Variants in DDAH1 observed in about 807,000 individuals in gnomAD.
The protein encoded by DDAH1 is dimethylarginine dimethylaminohydrolase 1.
Under a neutral mutation model 28.8 loss-of-function variants are expected in DDAH1, and 19 were observed. The observed-to-expected ratio is 0.66, with a 90% confidence interval of 0.46 to 0.97. The LOEUF (loss-of-function observed/expected upper bound fraction) is 0.97. Among genes scored for constraint, DDAH1 ranks in the 50% least tolerant of loss-of-function variants. The pLI is 0.00. For synonymous variants in DDAH1, 153 were observed against 154.4 expected, an observed-to-expected ratio of 0.99 and a Z score of 0.07; for missense variants, 326 against 375.9, an observed-to-expected ratio of 0.87 and a Z score of 1.10.
intron 1 of DDAH1, among the ~76,000 whole-genome samples, chr1:85,449,826 T>A (rs956218054): frequency 4.6e-5 from 7 of 151,752 alleles, no homozygotes; most frequent in African/African-American, 1.7e-4. Context: ...GGAGAAGAGG[T>A]GTGTTTGTAC....
At chr1:85,378,257 G>A (rs1309084372) in intron 1 of DDAH1, among the ~76,000 whole-genome samples, 1 of 152,092 alleles carries the variant, frequency 6.6e-6, no homozygotes, top group Non-Finnish European at 1.5e-5. Context: ...ATGCCAAAAC[G>A]AAAATCTTAG....
intron 1 of DDAH1, among the ~76,000 whole-genome samples, chr1:85,383,522 C>G (rs1312015439): frequency 6.6e-6 from 1 of 152,086 alleles, no homozygotes; most frequent in Non-Finnish European, 1.5e-5. Flanking sequence ...TAGAATAGTC[C>G]AAAAACTTGG....
intron 1 of DDAH1, among the ~76,000 whole-genome samples, chr1:85,371,928 T>C (rs1650404536): frequency 6.6e-6 from 1 of 152,182 alleles, no homozygotes; most frequent in Non-Finnish European, 1.5e-5. Context: ...TTTTGACTGT[T>C]CTACATTGCC....
intron 2 of DDAH1, among the ~76,000 whole-genome samples, chr1:85,483,380 T>G (rs1656077686): frequency 6.6e-6 from 1 of 152,136 alleles, no homozygotes; most frequent in Non-Finnish European, 1.5e-5. Context: ...ACTTCTGCCC[T>G]CATCAAGACC....
chr1:85,469,524 G>T (rs1655543943), upstream of DDAH1, among the ~76,000 whole-genome samples: 1 of 152,218 alleles, frequency 6.6e-6, no homozygotes, highest in African/African-American at 2.4e-5. Flanking sequence ...TGCATAGAAA[G>T]TAACTAGAGC....
intron 2 of DDAH1, among the ~76,000 whole-genome samples, chr1:85,485,344 A>C (rs772720675): frequency 1.1e-4 from 16 of 152,182 alleles, no homozygotes; most frequent in Admixed American, 3.9e-4. Context: ...CAATTATAGA[A>C]GCAAACCACA....
At chr1:85,564,010 A>G (rs1242302674) in intron 1 of DDAH1, among the ~76,000 whole-genome samples, 1 of 152,088 alleles carries the variant, frequency 6.6e-6, no homozygotes, top group Non-Finnish European at 1.5e-5. Flanking sequence ...CGTCTCTACT[A>G]AAATACCAAA....
At chr1:85,559,034 G>T (rs981932651) in intron 1 of DDAH1, among the ~76,000 whole-genome samples, 2 of 152,134 alleles carry the variant, frequency 1.3e-5, no homozygotes, top group African/African-American at 2.4e-5. Context: ...GTATAAACTG[G>T]AAAGCAGTTT....
intron 1 of DDAH1, among the ~76,000 whole-genome samples, chr1:85,512,650 A>T (rs1657288364): frequency 6.6e-6 from 1 of 152,246 alleles, no homozygotes; most frequent in African/African-American, 2.4e-5. Flanking sequence ...ACTTCAGCAA[A>T]GTCTCAGGAT....
intron 1 of DDAH1, among the ~76,000 whole-genome samples, chr1:85,447,320 C>T (rs545297168): frequency 2.0e-5 from 3 of 152,230 alleles, no homozygotes; most frequent in Non-Finnish European, 4.4e-5. Context: ...GCCCATGAGG[C>T]TCTCCATTTA....
At chr1:85,350,051 G>A (rs1335697583) in intron 4 of DDAH1, among the ~76,000 whole-genome samples, 1 of 152,204 alleles carries the variant, frequency 6.6e-6, no homozygotes, top group Non-Finnish European at 1.5e-5. Context: ...AACAAACCCT[G>A]TGTACCAACT....
At chr1:85,366,987 C>T (rs940572463) in intron 1 of DDAH1, among the ~76,000 whole-genome samples, 1 of 152,128 alleles carries the variant, frequency 6.6e-6, no homozygotes, top group Non-Finnish European at 1.5e-5. Context: ...TGCTTATTTG[C>T]CAACCTTTGT....
At chr1:85,326,950 A>G (rs559583312) in intron 4 of DDAH1, among the ~76,000 whole-genome samples, 1 of 152,364 alleles carries the variant, frequency 6.6e-6, no homozygotes, top group African/African-American at 2.4e-5. Context: ...TATAAAATGG[A>G]TATGCCCAGA....
chr1:85,550,747 A>AC lies in DDAH1; in HGVS notation c.-123+27236_-123+27237insG, dbSNP rs543085024. Among the ~76,000 whole-genome samples, 1,462 of 151,938 alleles carry AC rather than the reference A, an allele frequency of 9.6e-3. 23 individuals are homozygous for AC. Among genetic ancestry groups the AC allele is most frequent in the African/African-American group, 0.034 (1,415 of 41,286 alleles). On this transcript the variant is annotated intron_variant, in intron 1 of 6. Transcript: ENST00000426972. ...AATAACCCAAGTAAGTAATAATAAA[A>AC]AACACACACACACACACACACCATT...
intron 1 of DDAH1, among the ~76,000 whole-genome samples, chr1:85,552,665 T>G (rs1048915146): frequency 1.3e-5 from 2 of 152,110 alleles, no homozygotes; most frequent in Non-Finnish European, 2.9e-5. Flanking sequence ...GAAGCAGGCC[T>G]CTTAATTAGG....
chr1:85,550,288 T>C (rs2100793993), intron 1 of DDAH1, among the ~76,000 whole-genome samples: 1 of 152,310 alleles, frequency 6.6e-6, no homozygotes, highest in East Asian at 1.9e-4. Context: ...TTATTCAATC[T>C]ATACCAAATC....
At chr1:85,559,588 T>C (rs1464204964) in intron 1 of DDAH1, among the ~76,000 whole-genome samples, 1 of 152,166 alleles carries the variant, frequency 6.6e-6, no homozygotes, top group Non-Finnish European at 1.5e-5. Flanking sequence ...ATTATAGCTA[T>C]GTACTAGTAT....
At chr1:85,409,039 C>T (rs1490355556) in intron 1 of DDAH1, among the ~76,000 whole-genome samples, 1 of 152,208 alleles carries the variant, frequency 6.6e-6, no homozygotes, top group African/African-American at 2.4e-5. Flanking sequence ...CTTGTCCAAC[C>T]CACAACCTGC....
chr1:85,500,155 C>A (rs1008375546), intron 1 of DDAH1, among the ~76,000 whole-genome samples: 3 of 55,342 alleles, frequency 5.4e-5, no homozygotes, highest in African/African-American at 1.4e-4. Context: ...TCTTTTCTTT[C>A]TTTCTTTCTC....
Sources: gnomAD v4.1 joint callset for allele counts (sites outside exome capture counted in the v4.1 genomes callset) on GRCh38, gnomAD v4.1.1 for gene constraint, MANE v1.5 for transcripts, NCBI Gene and HGNC (gene_info 2026-07-23, HGNC 2026-07-21) for gene names.